ANKS1A: variants seen among roughly 807,000 people sequenced by gnomAD.
ANKS1A encodes the protein ankyrin repeat and sterile alpha motif domain containing 1A.
Under a neutral mutation model 120.3 loss-of-function variants are expected in ANKS1A, and 55 were observed. The observed-to-expected ratio is 0.46, with a 90% CI of 0.37 to 0.57. The LOEUF is 0.57. Ranked by LOEUF, ANKS1A falls within the 20% of genes least tolerant of loss-of-function variation. The pLI, the probability that ANKS1A is intolerant of heterozygous loss-of-function variation, is 0.00. For synonymous variants in ANKS1A, 590 were observed against 604.7 expected (o/e 0.98, Z 0.36); for missense variants, 1,123 against 1,480.3 (o/e 0.76, Z 3.96).
rs185211672 is a variant in ANKS1A at position 34,918,042 on chromosome 6, G to A, written c.197+28443G>A. 5.8e-4 allele frequency among the ~76,000 whole-genome samples: 88 copies of A among 152,142 alleles called. 1 individual carries two copies. The highest frequency in any genetic ancestry group is 3.4e-3 in the Middle Eastern group (1 of 294). ...TGTTCCTTGTTCTGCCCTCTCTGCC[G>A]TGTTCTACCCTCTCTGCCGTGTTCC... is the stretch of plus-strand genomic sequence containing the variant. On this transcript the variant is annotated intron_variant, in intron 1 of 23. Coordinates refer to ENST00000360359, the MANE Select transcript of ANKS1A (RefSeq NM_015245.3).
intron 1 of ANKS1A, among the ~76,000 whole-genome samples, chr6:34,927,410 G>A (rs1054843592): frequency 6.6e-5 from 10 of 152,164 alleles, no homozygotes; most frequent in Middle Eastern, 3.4e-3. Context: ...GGGGATGGGA[G>A]GTGAGGGATA....
At chr6:34,924,950 T>C (rs910952985) in intron 1 of ANKS1A, among the ~76,000 whole-genome samples, 1 of 152,216 alleles carries the variant, frequency 6.6e-6, no homozygotes, top group South Asian at 2.1e-4. Context: ...GCCTCTACTA[T>C]CACTTTTTTT....
intron 10 of ANKS1A, among the ~76,000 whole-genome samples, chr6:34,998,856 G>T (rs1010945680): frequency 3.9e-5 from 6 of 152,212 alleles, no homozygotes; most frequent in African/African-American, 1.4e-4. Flanking sequence ...CCCTGACCAG[G>T]AAGCGAGGTG....
intron 10 of ANKS1A, among the ~76,000 whole-genome samples, chr6:35,013,864 CG>C (rs1333275337): frequency 6.6e-6 from 1 of 152,162 alleles, no homozygotes; most frequent in Non-Finnish European, 1.5e-5. Context: ...CTGTGAGGAA[CG>C]GAGAAGTAGT....
chr6:35,059,762 C>T (rs1776394341), intron 12 of ANKS1A, among the ~76,000 whole-genome samples: 1 of 152,124 alleles, frequency 6.6e-6, no homozygotes, highest in South Asian at 2.1e-4. Context: ...CCTGTGGGGA[C>T]AGACTTTCTG....
In ANKS1A at chr6:35,086,376, C is replaced by T. The variant is rs780634836; in HGVS notation, c.3303+440C>T. The T allele has an allele frequency of 7.0e-6, 9 of 1,294,342 alleles. No homozygotes were observed. Among genetic ancestry groups the T allele is most frequent in the Admixed American group, 2.3e-5 (1 of 43,672 alleles). 80.2% of individuals were successfully genotyped at this position (1,294,342 alleles called of 1,614,324 possible). Reference sequence around the variant, plus strand: ...GTTAGTCCTGGAGTCAAGGTCTTTACGCCTCCTGCTGTCTTGTGTGTCAGT... The same window carrying T: ...GTTAGTCCTGGAGTCAAGGTCTTTATGCCTCCTGCTGTCTTGTGTGTCAGT... On this transcript the variant is annotated intron_variant, in intron 22 of 23. Coordinates refer to ENST00000360359, the MANE Select transcript of ANKS1A (RefSeq NM_015245.3). The surrounding 1 kb of genome is among the most constrained non-coding windows in gnomAD (Gnocchi z 5.1).
At chr6:34,940,686 G>A (rs554415667) in intron 1 of ANKS1A, among the ~76,000 whole-genome samples, 16 of 152,048 alleles carry the variant, frequency 1.1e-4, no homozygotes, top group South Asian at 2.1e-4. Flanking sequence ...CAAGGCAGGC[G>A]GATCACAAGG....
chr6:35,006,677 C>T (rs1773475287), intron 10 of ANKS1A, among the ~76,000 whole-genome samples: 1 of 152,182 alleles, frequency 6.6e-6, no homozygotes, highest in Admixed American at 6.5e-5. Flanking sequence ...ATGGCATGAA[C>T]CCGGGAGGCA....
intron 1 of ANKS1A, among the ~76,000 whole-genome samples, chr6:34,935,879 G>A (rs575304753): frequency 3.3e-5 from 5 of 151,284 alleles, no homozygotes; most frequent in East Asian, 1.9e-4. Context: ...CGGCTAAAAC[G>A]GTGAAACCCC....
intron 13 of ANKS1A, among the ~76,000 whole-genome samples, chr6:35,068,183 C>T (rs1328384851): frequency 1.3e-5 from 2 of 152,196 alleles, no homozygotes; most frequent in Admixed American, 6.5e-5. Flanking sequence ...CGTGAGCCAC[C>T]GCACCTGGCC....
chr6:35,004,467 A>T (rs965368511), intron 10 of ANKS1A, among the ~76,000 whole-genome samples: 7 of 152,166 alleles, frequency 4.6e-5, no homozygotes, highest in South Asian at 2.1e-4. Flanking sequence ...CTAAAATAAA[A>T]TTTTTTTAAT....
At chr6:35,041,839 CA>C (rs1288550396) in intron 11 of ANKS1A, among the ~76,000 whole-genome samples, 1 of 152,192 alleles carries the variant, frequency 6.6e-6, no homozygotes, top group Admixed American at 6.5e-5. Flanking sequence ...GGGAGGTGAC[CA>C]GTCTGAACTT....
In ANKS1A at chr6:34,889,946, T is replaced by TTA. The variant is rs766933812; in HGVS notation, c.197+361_197+362dup. On this transcript the variant is annotated intron_variant, in intron 1 of 23. Coordinates refer to ENST00000360359, the MANE Select transcript of ANKS1A (RefSeq NM_015245.3). This position sits in a 1 kb window ranked among gnomAD's most constrained non-coding sequence, Gnocchi z 5.5. ...CCAATTAAGAGCAAATATGTATATC[T>TTA]TATATATATATATATGAGATCTCCC... 9.1e-4 allele frequency among the ~76,000 whole-genome samples: 72 copies of TTA among 78,828 alleles called. No homozygotes were observed. The East Asian group carries it at 0.019, about 21-fold the overall frequency. The allele number at this position is 78,828 out of a possible 152,430, so 51.7% of individuals were successfully genotyped here.
At chr6:34,970,824 C>G (rs1771145779) in intron 3 of ANKS1A, among the ~76,000 whole-genome samples, 1 of 151,792 alleles carries the variant, frequency 6.6e-6, no homozygotes, top group South Asian at 2.1e-4. Flanking sequence ...AGCCCCAACC[C>G]CCCAGGCCCC....
At chr6:34,907,427 A>T (rs925816713) in intron 1 of ANKS1A, among the ~76,000 whole-genome samples, 2 of 152,162 alleles carry the variant, frequency 1.3e-5, no homozygotes, top group Admixed American at 1.3e-4. Context: ...TCAAGTCCTG[A>T]GGTCAGCTGT....
In ANKS1A at chr6:34,983,520, A is replaced by G. The variant is rs1581594934; in HGVS notation, c.1012+95A>G. On this transcript the variant is annotated intron_variant, in intron 7 of 23. Coordinates refer to ENST00000360359, the MANE Select transcript of ANKS1A (RefSeq NM_015245.3). Reference sequence around the variant, plus strand: ...TGGAAAAATCTTAATTTAAATAATAATTTTGGGGGATTGTGAGTACTTAGT... The same window carrying G: ...TGGAAAAATCTTAATTTAAATAATAGTTTTGGGGGATTGTGAGTACTTAGT... 1.1e-5 allele frequency: 12 copies of G among 1,069,382 alleles called. No homozygotes were observed. In the East Asian group the frequency reaches 2.9e-4, roughly 26 times the overall value. 66.2% of individuals were successfully genotyped at this position (1,069,382 alleles called of 1,614,324 possible). A position where few individuals can be genotyped will look rare whatever the true frequency, so the allele number is the denominator to read the frequency against.
chr6:34,945,934 A>C (rs1196465075), intron 1 of ANKS1A, among the ~76,000 whole-genome samples: 1 of 149,354 alleles, frequency 6.7e-6, no homozygotes, highest in African/African-American at 2.4e-5. Flanking sequence ...GATATTAGTA[A>C]TTTGTGTCTT....
At chr6:34,979,387 T>C (rs1036540087) in intron 3 of ANKS1A, among the ~76,000 whole-genome samples, 3 of 152,174 alleles carry the variant, frequency 2.0e-5, no homozygotes, top group East Asian at 1.9e-4. Context: ...TACCAGACCA[T>C]GTCTGGCATG....
rs142755394 is a variant in ANKS1A at position 35,070,520 on chromosome 6, C to T, written c.2185-8038C>T. ...TTTTTTTTTTTTTTTGAGACAGTCT[C>T]ACTCTGTTGCCCAGGCTAGAGTACA... On this transcript the variant is annotated intron_variant, in intron 13 of 23. Transcript: ENST00000360359. Among the ~76,000 whole-genome samples the T allele has an allele frequency of 7.0e-3, 877 of 125,926 alleles. 11 individuals are homozygous for T. The highest frequency in any genetic ancestry group is 0.024 in the African/African-American group (806 of 33,234). 82.6% of individuals were successfully genotyped at this position (125,926 alleles called of 152,430 possible). A position where few individuals can be genotyped will look rare whatever the true frequency, so the allele number is the denominator to read the frequency against.
Sources: gnomAD v4.1 joint callset for allele counts (sites outside exome capture counted in the v4.1 genomes callset) on GRCh38, gnomAD v4.1.1 for gene constraint, Gnocchi (gnomAD v3.1) non-coding constraint, MANE v1.5 for transcripts, NCBI Gene and HGNC (gene_info 2026-07-23, HGNC 2026-07-21) for gene names.